LRRC4C: variants seen among roughly 807,000 people sequenced by gnomAD.
The protein encoded by LRRC4C is leucine rich repeat containing 4C, also known as leucine-rich repeat-containing protein 4C.
A neutral mutation model predicts 33.6 loss-of-function variants in LRRC4C; 5 were observed. That is an observed-to-expected ratio of 0.15 (90% confidence interval 0.08 to 0.31). The LOEUF (loss-of-function observed/expected upper bound fraction) is 0.31, where lower values mean the gene tolerates loss of function less well. Among genes scored for constraint, LRRC4C ranks in the 10% least tolerant of loss-of-function variants. The pLI is 1.00. For missense variants in LRRC4C, 560 were observed against 796.7 expected, an observed-to-expected ratio of 0.70 and a Z score of 3.58; for synonymous variants, 329 against 302.0, an observed-to-expected ratio of 1.09 and a Z score of -0.93.
At chr11:40,683,802 C>T (rs1014028211) in intron 2 of LRRC4C, among the ~76,000 whole-genome samples, 3 of 152,146 alleles carry the variant, frequency 2.0e-5, no homozygotes, top group Non-Finnish European at 4.4e-5. Flanking sequence ...AAAATCCACC[C>T]ACCAGTACAG....
intron 1 of LRRC4C, among the ~76,000 whole-genome samples, chr11:40,940,408 C>T (rs1051892503): frequency 1.2e-4 from 18 of 152,022 alleles, no homozygotes; most frequent in Non-Finnish European, 2.5e-4. Context: ...TGATCAAATG[C>T]CCACATTGCT....
At chr11:41,304,888 G>T (rs1481251353) in intron 1 of LRRC4C, among the ~76,000 whole-genome samples, 1 of 85,000 alleles carries the variant, frequency 1.2e-5, no homozygotes, top group Non-Finnish European at 2.6e-5. Context: ...CCCTCCGCCC[G>T]GCCAGCCGCC....
intron 3 of LRRC4C, among the ~76,000 whole-genome samples, chr11:40,565,371 G>T (rs899823529): frequency 2.6e-5 from 4 of 152,170 alleles, no homozygotes; most frequent in Admixed American, 2.6e-4. Context: ...CACCAAGTCT[G>T]CAATTTCAAG....
chr11:40,869,731 G>C (rs1011125334), intron 2 of LRRC4C, among the ~76,000 whole-genome samples: 4 of 152,106 alleles, frequency 2.6e-5, no homozygotes, highest in Non-Finnish European at 5.9e-5. Flanking sequence ...CAGGGGAGAA[G>C]GGACGCAAGA....
At chr11:40,876,590 C>T (rs1294776183) in intron 2 of LRRC4C, among the ~76,000 whole-genome samples, 2 of 151,836 alleles carry the variant, frequency 1.3e-5, no homozygotes, top group Non-Finnish European at 2.9e-5. Context: ...AAATGTGCTG[C>T]CGGTGGTGAC....
chr11:40,435,650 A>G (rs1468794220), intron 3 of LRRC4C, among the ~76,000 whole-genome samples: 1 of 152,172 alleles, frequency 6.6e-6, no homozygotes, highest in African/African-American at 2.4e-5. Context: ...CTCTGACATA[A>G]AATTTACAAA....
chr11:41,115,058 T>C (rs1400143609), intron 1 of LRRC4C, among the ~76,000 whole-genome samples: 1 of 152,046 alleles, frequency 6.6e-6, no homozygotes, highest in Non-Finnish European at 1.5e-5. Context: ...TATTATAGTA[T>C]TTTCTCTCTG....
intron 1 of LRRC4C, among the ~76,000 whole-genome samples, chr11:41,100,491 C>A (rs1397982883): frequency 6.6e-6 from 1 of 152,000 alleles, no homozygotes. Flanking sequence ...TGCTTGAACT[C>A]ATGAGGTGGA....
intron 2 of LRRC4C, among the ~76,000 whole-genome samples, chr11:40,695,860 A>G (rs1359287562): frequency 1.3e-5 from 2 of 152,034 alleles, no homozygotes; most frequent in South Asian, 4.2e-4. Flanking sequence ...TCCCCTTCTC[A>G]ATATTCTTAA....
intron 1 of LRRC4C, among the ~76,000 whole-genome samples, chr11:41,022,034 C>T (rs1204201091): frequency 2.0e-5 from 3 of 151,424 alleles, no homozygotes. Context: ...TGAGATAATC[C>T]ATGTTGACTT....
intron 1 of LRRC4C, among the ~76,000 whole-genome samples, chr11:41,258,092 A>T (rs1334742913): frequency 6.6e-6 from 1 of 152,006 alleles, no homozygotes; most frequent in Non-Finnish European, 1.5e-5. Flanking sequence ...ATACAAAAAA[A>T]GAATAAGAGG....
intron 1 of LRRC4C, among the ~76,000 whole-genome samples, chr11:41,045,637 C>T (rs774572636): frequency 2.6e-5 from 4 of 152,082 alleles, no homozygotes; most frequent in Non-Finnish European, 5.9e-5. Flanking sequence ...AACAACTAAA[C>T]ATCTCAATAA....
chr11:40,908,139 T>C (rs1395980528), intron 2 of LRRC4C, among the ~76,000 whole-genome samples: 1 of 152,086 alleles, frequency 6.6e-6, no homozygotes, highest in Admixed American at 6.6e-5. Context: ...GTACTTTATA[T>C]AAAGATTTGT....
intron 5 of LRRC4C, among the ~76,000 whole-genome samples, chr11:40,158,043 G>C (rs995046257): frequency 7.2e-5 from 11 of 152,096 alleles, no homozygotes; most frequent in African/African-American, 2.4e-4. Flanking sequence ...AGTGGATAAA[G>C]AAACTGTGGT....
intron 3 of LRRC4C, among the ~76,000 whole-genome samples, chr11:40,459,926 C>A (rs1313996877): frequency 3.9e-5 from 6 of 152,144 alleles, no homozygotes; most frequent in Non-Finnish European, 8.8e-5. Flanking sequence ...ATTATGCCTG[C>A]AAAAGCTATT....
chr11:40,900,684 A>G (rs570778927), intron 2 of LRRC4C, among the ~76,000 whole-genome samples: 3 of 152,052 alleles, frequency 2.0e-5, no homozygotes, highest in Middle Eastern at 3.4e-3. Flanking sequence ...AATCTACTAA[A>G]TAATGTTCAT....
chr11:40,417,192 A>T (rs1950353292), intron 3 of LRRC4C, among the ~76,000 whole-genome samples: 1 of 152,148 alleles, frequency 6.6e-6, no homozygotes, highest in African/African-American at 2.4e-5. Flanking sequence ...AGAACAGGTG[A>T]TGTGTGTTCT....
intron 1 of LRRC4C, among the ~76,000 whole-genome samples, chr11:41,439,678 T>A (rs1955550473): frequency 6.6e-6 from 1 of 152,240 alleles, no homozygotes; most frequent in Non-Finnish European, 1.5e-5. Context: ...AGCTTGTATG[T>A]CTTTTAAAAA....
At chr11:40,227,624 G>T (rs1864903730) in intron 5 of LRRC4C, among the ~76,000 whole-genome samples, 1 of 152,122 alleles carries the variant, frequency 6.6e-6, no homozygotes, top group African/African-American at 2.4e-5. Context: ...ACATCCGAAT[G>T]CATGATGACT....
Sources: allele counts gnomAD v4.1 joint callset (sites outside exome capture counted in the v4.1 genomes callset), GRCh38; gene constraint gnomAD v4.1.1; transcripts MANE v1.5; gene names NCBI Gene and HGNC (gene_info 2026-07-23, HGNC 2026-07-21).